Variants in LRMDA observed in about 807,000 individuals in gnomAD.
LRMDA encodes leucine-rich melanocyte differentiation-associated protein.
In LRMDA, 18 loss-of-function variants were observed where a neutral mutation model predicts 29.8. The observed-to-expected ratio is 0.60, with a 90% CI of 0.42 to 0.90. LRMDA has a LOEUF of 0.90. Among genes scored for constraint, LRMDA ranks in the 40% least tolerant of loss-of-function variants. The pLI is 0.00. For missense variants in LRMDA, 273 were observed against 273.9 expected, an observed-to-expected ratio of 1.00 and a Z score of 0.02; for synonymous variants, 125 against 109.4, an observed-to-expected ratio of 1.14 and a Z score of -0.89.
intron 5 of LRMDA, among the ~76,000 whole-genome samples, chr10:76,105,616 T>C (rs938376980): frequency 2.6e-5 from 4 of 152,210 alleles, no homozygotes; most frequent in Admixed American, 2.6e-4. Context: ...AGCCAAGACA[T>C]GCCTGAAGCC....
intron 6 of LRMDA, among the ~76,000 whole-genome samples, chr10:76,453,235 C>T (rs942310192): frequency 3.3e-5 from 5 of 152,152 alleles, no homozygotes; most frequent in African/African-American, 1.2e-4. Flanking sequence ...GCTAAATATG[C>T]TGTCCCTTCT....
chr10:76,201,915 G>C (rs181707179), intron 5 of LRMDA, among the ~76,000 whole-genome samples: 1 of 152,096 alleles, frequency 6.6e-6, no homozygotes, highest in African/African-American at 2.4e-5. Flanking sequence ...CAATCAGAGC[G>C]GTCCTGGCTC....
At chr10:75,575,923 A>G (rs1840499658) in intron 2 of LRMDA, among the ~76,000 whole-genome samples, 1 of 151,580 alleles carries the variant, frequency 6.6e-6, no homozygotes, top group Admixed American at 6.6e-5. Context: ...TTCCAGCACA[A>G]AACTGGGCGG....
chr10:75,761,334 T>C (rs1275087090), intron 2 of LRMDA, among the ~76,000 whole-genome samples: 2 of 152,236 alleles, frequency 1.3e-5, no homozygotes, highest in Non-Finnish European at 2.9e-5. Context: ...ATATTTACAA[T>C]GTAATATTAT....
intron 5 of LRMDA, among the ~76,000 whole-genome samples, chr10:76,160,270 A>C (rs1459884573): frequency 6.6e-6 from 1 of 151,486 alleles, no homozygotes; most frequent in Non-Finnish European, 1.5e-5. Flanking sequence ...TGGTAGATTC[A>C]CATGTGTCAT....
At chr10:76,131,207 C>T (rs895859113) in intron 5 of LRMDA, among the ~76,000 whole-genome samples, 9 of 152,136 alleles carry the variant, frequency 5.9e-5, no homozygotes, top group Admixed American at 5.9e-4. Flanking sequence ...ATGCTTTTTG[C>T]CTTCTTCTGT....
intron 2 of LRMDA, among the ~76,000 whole-genome samples, chr10:75,754,230 G>T (rs1843000240): frequency 6.6e-6 from 1 of 152,168 alleles, no homozygotes. Context: ...GTGAAGAGGT[G>T]GTTTTATAGG....
intron 3 of LRMDA, among the ~76,000 whole-genome samples, chr10:76,037,582 T>C (rs1207522668): frequency 6.6e-6 from 1 of 152,222 alleles, no homozygotes; most frequent in East Asian, 1.9e-4. Flanking sequence ...AACAAACATT[T>C]ATTTCTCACA....
At chr10:75,607,824 GTTTTTTTTTTTTT>G (rs5786180) in intron 2 of LRMDA, among the ~76,000 whole-genome samples, 3 of 72,302 alleles carry the variant, frequency 4.1e-5, no homozygotes, top group Admixed American at 1.5e-4. Context: ...TGATTCAGTG[GTTTTTTTTTTTTT>G]TTTTTTTTTT....
At chr10:75,491,311 T>TTAA (rs1844984311) in intron 2 of LRMDA, among the ~76,000 whole-genome samples, 1 of 152,222 alleles carries the variant, frequency 6.6e-6, no homozygotes, top group South Asian at 2.1e-4. Context: ...TTTGCCTGAA[T>TTAA]TAATTATGAT....
At chr10:75,914,533 AT>A in intron 2 of LRMDA, among the ~76,000 whole-genome samples, 1 of 152,194 alleles carries the variant, frequency 6.6e-6, no homozygotes. Context: ...AAGAAGCATA[AT>A]TCAATAAGTG....
intron 2 of LRMDA, among the ~76,000 whole-genome samples, chr10:75,764,315 T>C (rs553391863): frequency 2.0e-4 from 31 of 152,336 alleles, no homozygotes; most frequent in Middle Eastern, 6.8e-3. Flanking sequence ...AAAATGGCAT[T>C]TTCCAGCTCC....
At chr10:75,747,478 T>C (rs1842903264) in intron 2 of LRMDA, among the ~76,000 whole-genome samples, 1 of 152,130 alleles carries the variant, frequency 6.6e-6, no homozygotes, top group Non-Finnish European at 1.5e-5. Flanking sequence ...ATAGGGACCA[T>C]ATTGAGAGGA....
chr10:75,550,472 A>G (rs999737558), intron 2 of LRMDA, among the ~76,000 whole-genome samples: 11 of 152,018 alleles, frequency 7.2e-5, no homozygotes, highest in Non-Finnish European at 1.5e-4. Context: ...GTATTATGTT[A>G]TTATACAGAC....
chr10:76,556,760 C>T (rs2579766), intron 6 of LRMDA, among the ~76,000 whole-genome samples: 124,765 of 151,746 alleles, frequency 0.82, 53,660 homozygotes, highest in Non-Finnish European at 0.97. Context: ...AAGTCAACAA[C>T]ATTGCTTCAT....
At chr10:75,741,061 G>A (rs1015060501) in intron 2 of LRMDA, among the ~76,000 whole-genome samples, 3 of 152,162 alleles carry the variant, frequency 2.0e-5, no homozygotes, top group Non-Finnish European at 4.4e-5. Flanking sequence ...CACTAGCTTA[G>A]CAGCATGAAA....
chr10:76,116,656 C>T (rs1267050920), intron 5 of LRMDA, among the ~76,000 whole-genome samples: 1 of 152,158 alleles, frequency 6.6e-6, no homozygotes, highest in Non-Finnish European at 1.5e-5. Flanking sequence ...GAAATGGAGT[C>T]TCATTAAGTC....
chr10:76,527,066 AAAG>A (rs1564567177), intron 6 of LRMDA, among the ~76,000 whole-genome samples: 2 of 149,080 alleles, frequency 1.3e-5, no homozygotes, highest in African/African-American at 4.9e-5. Flanking sequence ...AAAAAAAAAA[AAAG>A]AAGAGGTGGA....
intron 6 of LRMDA, among the ~76,000 whole-genome samples, chr10:76,331,946 C>T (rs2132408108): frequency 6.6e-6 from 1 of 152,304 alleles, no homozygotes; most frequent in South Asian, 2.1e-4. Context: ...AGTCTATTTT[C>T]AGTGTGTGCA....
Sources: allele counts gnomAD v4.1 joint callset (sites outside exome capture counted in the v4.1 genomes callset), GRCh38; gene constraint gnomAD v4.1.1; transcripts MANE v1.5; gene names NCBI Gene and HGNC (gene_info 2026-07-23, HGNC 2026-07-21).